ITGB2: variants seen among roughly 807,000 people sequenced by gnomAD.
ITGB2 encodes integrin subunit beta 2.
A neutral mutation model predicts 86.8 loss-of-function variants in ITGB2; 56 were observed. The ratio of observed to expected loss-of-function variants is 0.65; its 90% CI spans 0.52 to 0.81. The LOEUF is 0.81. ITGB2 is among the 30% of genes least tolerant of loss of function. The pLI, the probability that ITGB2 is intolerant of heterozygous loss-of-function variation, is 0.00. For synonymous variants in ITGB2, 457 were observed against 450.4 expected, an observed-to-expected ratio of 1.01 and a Z score of -0.19; for missense variants, 948 against 1,061.2, an observed-to-expected ratio of 0.89 and a Z score of 1.48.
intron 8 of ITGB2, 52 bp from the exon 9 acceptor site, chr21:44,895,112 T>C: frequency 7.5e-7 from 1 of 1,328,626 alleles, no homozygotes; most frequent in Middle Eastern, 1.8e-4. Context: ...TGCCACGGCA[T>C]CTCCACGCAC....
chr21:44,918,540 C>T (rs535349989), intron 1 of ITGB2, among the ~76,000 whole-genome samples: 70 of 152,338 alleles, frequency 4.6e-4, no homozygotes, highest in Non-Finnish European at 8.7e-4. Context: ...AACTGAGTCA[C>T]GGGGGACCAA....
chr21:44,915,693 T>A (rs1399811961), intron 1 of ITGB2, among the ~76,000 whole-genome samples: 1 of 152,118 alleles, frequency 6.6e-6, no homozygotes, highest in Non-Finnish European at 1.5e-5. Context: ...AGAAGTGCCG[T>A]CAGGTGGGGA....
chr21:44,908,897 G>A (rs530485043), intron 3 of ITGB2, among the ~76,000 whole-genome samples: 2 of 152,316 alleles, frequency 1.3e-5, no homozygotes, highest in African/African-American at 4.8e-5. Context: ...AGGACACGCA[G>A]CCAGACCCAG....
chr21:44,915,490 G>A (rs2084195517), intron 1 of ITGB2, among the ~76,000 whole-genome samples: 1 of 152,200 alleles, frequency 6.6e-6, no homozygotes, highest in Non-Finnish European at 1.5e-5. Flanking sequence ...GTGACTCGGA[G>A]GTGCGCGGGA....
rs575352454 is a variant in ITGB2 at position 44,905,549 on chromosome 21, G to C, written c.328+1366C>G. 2.6e-5 allele frequency among the ~76,000 whole-genome samples: 4 copies of C among 152,334 alleles called. No individual in the cohort carries two copies. In the East Asian group the frequency reaches 7.7e-4, roughly 29 times the overall value. ...ACAGGCAACACCTCTGTCAGCCTCA[G>C]TTTCCTCACTGTGAAGTGGGGCGTG... On this transcript the variant is annotated intron_variant, in intron 4 of 15. Transcript: ENST00000652462.
intron 1 of ITGB2, among the ~76,000 whole-genome samples, chr21:44,918,497 G>A (rs1163329532): frequency 6.6e-6 from 1 of 152,180 alleles, no homozygotes; most frequent in Non-Finnish European, 1.5e-5. Context: ...CGCACAATTG[G>A]CCAGACCACC....
chr21:44,893,404 C>T lies in ITGB2; in HGVS notation c.1224G>A (p.Pro408=), dbSNP rs777120738. ...GDCDGVQINV[P]ITFQVKVTAT... ...TGGGGACCCTTGTGGCCAGGCTCAC[C>T]GGGACATTGATCTGCACGCCATCAC... The change falls in exon 10 of 16, where the codon CCG becomes CCA. Residue 408 remains proline (P), a splice_region_variant and synonymous_variant. Transcript: ENST00000652462. 3.1e-6 allele frequency: 5 copies of T among 1,613,654 alleles called. No homozygotes were observed. Among genetic ancestry groups the T allele is most frequent in the South Asian group, 1.1e-5 (1 of 91,070 alleles).
chr21:44,891,741 A>G (rs2083787761), intron 11 of ITGB2, 68 bp downstream of exon 11: 2 of 1,558,842 alleles, frequency 1.3e-6, no homozygotes, highest in South Asian at 2.2e-5. Flanking sequence ...CACCCACCTC[A>G]CCTGCCGACA....
At chr21:44,897,011 G>A (rs1444798693) in intron 8 of ITGB2, among the ~76,000 whole-genome samples, 1 of 152,162 alleles carries the variant, frequency 6.6e-6, no homozygotes, top group Non-Finnish European at 1.5e-5. Flanking sequence ...CCAGCAGGTG[G>A]TCTCTGTGGA....
At position 44,901,575 on chromosome 21, in the gene ITGB2, C is replaced by T. The variant is rs747801038; in HGVS notation, c.658G>A (p.Glu220Lys). The part of the protein sequence containing the change: ...LTNNSNQFQT[E>K]VGKQLISGNL... ...CCGGAAATCAGCTGCTTCCCGACCT[C>T]GGTCTGAAACTGGTTGGAGTTGTTG... The change falls in exon 6 of 16, where the codon GAG (glutamate) becomes AAG (lysine). Residue 220 changes from glutamate (E) to lysine (K), a missense_variant. Coordinates refer to ENST00000652462, the MANE Select transcript of ITGB2 (RefSeq NM_000211.5). 16 of 1,614,162 alleles carry T rather than the reference C, an allele frequency of 9.9e-6. No homozygotes were observed. Among genetic ancestry groups the T allele is most frequent in the African/African-American group, 9.3e-5 (7 of 74,956 alleles).
intron 1 of ITGB2, among the ~76,000 whole-genome samples, chr21:44,927,358 G>GAGT (rs1362287180): frequency 2.0e-5 from 3 of 152,124 alleles, no homozygotes; most frequent in Non-Finnish European, 2.9e-5. Context: ...GATGAGAAAG[G>GAGT]AGTCTAACCA....
At chr21:44,901,119 G>C (rs2083949856) in intron 6 of ITGB2, among the ~76,000 whole-genome samples, 1 of 152,160 alleles carries the variant, frequency 6.6e-6, no homozygotes, top group Non-Finnish European at 1.5e-5. Flanking sequence ...TGGGCAGCCA[G>C]CGCCCACCCG....
intron 4 of ITGB2, 105 bp downstream of exon 4, chr21:44,906,810 A>C: frequency 1.6e-6 from 2 of 1,259,756 alleles, no homozygotes; most frequent in Non-Finnish European, 2.3e-6. Context: ...ACCCGGACAC[A>C]TGCCTTCTGG....
rs368629638 is a variant in ITGB2 at position 44,907,015 on chromosome 21, G to T, written c.228C>A (p.Asp76Glu). 1 of 1,614,096 alleles carries T rather than the reference G, an allele frequency of 6.2e-7. No homozygotes were observed. The highest frequency in any genetic ancestry group is 1.1e-5 in the South Asian group (1 of 91,078). ...PQLLMRGCAA[D>E]DIMDPTSLAE... Reference sequence around the variant, plus strand: ...CGAGGCTTGTGGGGTCCATGATGTCGTCAGCCGCACAGCCCCTCATGAGCA... The same window carrying T: ...CGAGGCTTGTGGGGTCCATGATGTCTTCAGCCGCACAGCCCCTCATGAGCA... The change falls in exon 4 of 16, where the codon GAC (aspartate) becomes GAA (glutamate). Residue 76 changes from aspartate to glutamate, a missense_variant. Asp to Glu is a conservative substitution (Grantham distance 45, BLOSUM62 2). Coordinates refer to ENST00000652462, the MANE Select transcript of ITGB2 (RefSeq NM_000211.5).
At chr21:44,928,424 A>G (rs559043640) in intron 1 of ITGB2, 7 of 152,438 alleles carry the variant, frequency 4.6e-5, no homozygotes, top group African/African-American at 1.7e-4. Flanking sequence ...CGACAATTGC[A>G]TGGTCAGAGA....
In ITGB2 at chr21:44,887,051, G is replaced by A. The variant is rs186846268; in HGVS notation, c.2081-149C>T. ...TCACCATCCATCACCATGGCCAGGG[G>A]TCAGTGAGAACCTGGCCCAGCCCCT... On this transcript the variant is annotated intron_variant, in intron 14 of 15. Transcript: ENST00000652462. The A allele has an allele frequency of 1.5e-4, 142 of 965,916 alleles. No homozygotes were observed. The East Asian group carries it at 3.5e-3, about 24-fold the overall frequency. The allele number at this position is 965,916 out of a possible 1,614,324, so 59.8% of individuals were successfully genotyped here. A position where few individuals can be genotyped will look rare whatever the true frequency, so the allele number is the denominator to read the frequency against.
chr21:44,901,826 C>A lies in ITGB2; in HGVS notation c.500-93G>T, dbSNP rs1444749268. 3.5e-6 allele frequency: 5 copies of A among 1,409,052 alleles called. No homozygotes were observed. In the African/African-American group the frequency reaches 5.7e-5, roughly 16 times the overall value. The allele number at this position is 1,409,052 out of a possible 1,614,324, so 87.3% of individuals were successfully genotyped here. On this transcript the variant is annotated intron_variant, in intron 5 of 15. Coordinates refer to ENST00000652462, the MANE Select transcript of ITGB2 (RefSeq NM_000211.5). Reference sequence around the variant, plus strand: ...GGGCACGAGGGCAAGCCTGTTTCCTCTCTCCTAGCAGGGAGGTGGAGAAAG... The same window carrying A: ...GGGCACGAGGGCAAGCCTGTTTCCTATCTCCTAGCAGGGAGGTGGAGAAAG...
intron 8 of ITGB2, 89 bp from the exon 9 acceptor site, chr21:44,895,149 C>A: frequency 1.0e-6 from 1 of 953,894 alleles, no homozygotes. Flanking sequence ...GCTTCTGCAC[C>A]TGCAAAATGG....
chr21:44,906,726 G>A (rs2084047501), intron 4 of ITGB2, among the ~76,000 whole-genome samples, 189 bp downstream of exon 4: 1 of 152,218 alleles, frequency 6.6e-6, no homozygotes, highest in African/African-American at 2.4e-5. Context: ...TCCACCTGGG[G>A]ACAGAGCGGA....
Sources: allele counts gnomAD v4.1 joint callset (sites outside exome capture counted in the v4.1 genomes callset), GRCh38; gene constraint gnomAD v4.1.1; transcripts MANE v1.5; gene names NCBI Gene and HGNC (gene_info 2026-07-23, HGNC 2026-07-21).